The following HMCN1 variants were observed in gnomAD, a reference collection of about 807,000 sequenced individuals.
HMCN1 encodes the protein hemicentin-1.
HMCN1 carries 321 observed loss-of-function variants against 625.9 expected under a neutral mutation model. The ratio of observed to expected loss-of-function variants is 0.51; its 90% CI spans 0.47 to 0.56. HMCN1 has a LOEUF of 0.56. Ranked by LOEUF, HMCN1 falls within the 20% of genes least tolerant of loss-of-function variation. HMCN1 has a pLI of 0.00. For missense variants in HMCN1, 6,588 were observed against 6,887.3 expected (o/e 0.96, Z 1.54); for synonymous variants, 2,425 against 2,417.6 (o/e 1.00, Z -0.09).
rs185290212 is a variant in HMCN1 at position 186,040,966 on chromosome 1, C to G, written c.6181-47C>G. 3 of 1,602,074 alleles carry G rather than the reference C, an allele frequency of 1.9e-6. No individual in the cohort carries two copies. The African/African-American group carries it at 4.0e-5, about 21-fold the overall frequency. On this transcript the variant is annotated intron_variant, in intron 39 of 106. Transcript: ENST00000271588. ...TAAGAGAAAAAATCTATTACACCTA[C>G]CATTCTCAGAGACATATTGGTTATT... is the stretch of plus-strand genomic sequence containing the variant.
intron 100 of HMCN1, among the ~76,000 whole-genome samples, chr1:186,171,101 T>C (rs1290287543): frequency 2.0e-5 from 3 of 152,218 alleles, no homozygotes; most frequent in African/African-American, 7.2e-5. Flanking sequence ...GAGTGTTTCA[T>C]TGACATAGTT....
At chr1:186,186,433 A>G (rs1653308468) in intron 105 of HMCN1, among the ~76,000 whole-genome samples, 1 of 152,168 alleles carries the variant, frequency 6.6e-6, no homozygotes, top group African/African-American at 2.4e-5. Context: ...TAGCTGAGGC[A>G]GGAGAATCAC....
intron 15 of HMCN1, among the ~76,000 whole-genome samples, chr1:185,975,366 AAGGCAAAAGGGAAGC>A (rs1239197294): frequency 6.6e-6 from 1 of 152,190 alleles, no homozygotes; most frequent in Non-Finnish European, 1.5e-5. Flanking sequence ...ATCATGGCAG[AAGGCAAAAGGGAAGC>A]AGGCACATCT....
At chr1:186,037,046 C>A (rs190297651) in intron 36 of HMCN1, among the ~76,000 whole-genome samples, 27 of 151,788 alleles carry the variant, frequency 1.8e-4, no homozygotes, top group African/African-American at 6.5e-4. Flanking sequence ...TCCTTCTTTC[C>A]CCCTTTCCTG....
intron 35 of HMCN1, among the ~76,000 whole-genome samples, chr1:186,020,294 AAAGG>A (rs1478170918): frequency 6.6e-6 from 1 of 150,702 alleles, no homozygotes; most frequent in Non-Finnish European, 1.5e-5. Flanking sequence ...TGGATAATCT[AAAGG>A]ATACATTTGA....
At chr1:186,022,556 G>T (rs376657408) in intron 35 of HMCN1, among the ~76,000 whole-genome samples, 36 of 152,252 alleles carry the variant, frequency 2.4e-4, no homozygotes, top group African/African-American at 7.7e-4. Context: ...GTAGGTTTAA[G>T]AGGGAAATTG....
At chr1:186,152,621 C>A (rs1650745277) in intron 95 of HMCN1, 129 bp from the exon 96 acceptor site, 2 of 1,081,278 alleles carry the variant, frequency 1.8e-6, no homozygotes, top group South Asian at 1.3e-5. Context: ...TATTTCAGTT[C>A]TCATCATCTA....
In HMCN1 at chr1:185,823,471, A is replaced by AT. The variant is rs994652852; in HGVS notation, c.269-22547dup. On this transcript the variant is annotated intron_variant, in intron 1 of 106. Coordinates refer to ENST00000271588, the MANE Select transcript of HMCN1 (RefSeq NM_031935.3). ...ATTTCATGGTAATAAATACTGACAG[A>AT]TTTTTTTTGTTATTTTTGATTTGGA... 5.3e-5 allele frequency among the ~76,000 whole-genome samples: 8 copies of AT among 151,972 alleles called. No homozygotes were observed. In the East Asian group the frequency reaches 5.8e-4, roughly 11 times the overall value.
chr1:186,119,234 A>G lies in HMCN1; in HGVS notation c.11892A>G (p.Arg3964=), dbSNP rs756250170. The change falls in exon 78 of 107, where the codon AGA becomes AGG. Residue 3964 remains arginine, a synonymous_variant. Transcript: ENST00000271588. The part of the protein sequence containing the change: ...ILATQLNHAG[R]YTCVARNAAG... The stretch of plus-strand genomic sequence containing the variant: ...CCACCCAATTAAACCATGCTGGAAG[A>G]TACACTTGTGTCGCTAGGAATGCGG... 1 of 1,614,006 alleles carries G rather than the reference A, an allele frequency of 6.2e-7. No homozygotes were observed. Among genetic ancestry groups the G allele is most frequent in the Non-Finnish European group, 8.5e-7 (1 of 1,179,894 alleles).
At chr1:185,791,518 G>A (rs1253327278) in intron 1 of HMCN1, among the ~76,000 whole-genome samples, 1 of 151,884 alleles carries the variant, frequency 6.6e-6, no homozygotes, top group Admixed American at 6.6e-5. Context: ...CCAGGAGTTC[G>A]AGACCAGCCA....
intron 2 of HMCN1, among the ~76,000 whole-genome samples, chr1:185,857,226 T>C (rs1662522147): frequency 6.6e-6 from 1 of 152,240 alleles, no homozygotes. Context: ...TTTTTCTTAG[T>C]ACACGTTTTT....
intron 1 of HMCN1, among the ~76,000 whole-genome samples, chr1:185,756,913 G>A (rs1655169795): frequency 6.6e-6 from 1 of 151,716 alleles, no homozygotes; most frequent in African/African-American, 2.4e-5. Flanking sequence ...GATAACCATG[G>A]CAGTCTTTTA....
chr1:186,082,454 A>C (rs1401835151), intron 56 of HMCN1, among the ~76,000 whole-genome samples: 11 of 152,170 alleles, frequency 7.2e-5, no homozygotes, highest in Admixed American at 2.6e-4. Flanking sequence ...GAGTTCCAAA[A>C]GAGTGAGCAC....
intron 4 of HMCN1, among the ~76,000 whole-genome samples, chr1:185,907,028 A>G (rs192000252): frequency 1.4e-5 from 2 of 147,676 alleles, no homozygotes; most frequent in Non-Finnish European, 3.0e-5. Flanking sequence ...CAACACTCTG[A>G]TTATTAAAGT....
chr1:185,740,709 T>A (rs1026321606), intron 1 of HMCN1, among the ~76,000 whole-genome samples: 1 of 66,088 alleles, frequency 1.5e-5, no homozygotes, highest in East Asian at 4.2e-4. Context: ...GGGGATGGGG[T>A]GGCGGGGAGC....
chr1:186,000,219 A>T lies in HMCN1; in HGVS notation c.4049A>T (p.Lys1350Ile). ...AVNEAGTTER[K>I]YNLKVHVPPV... ...AATGAAGCTGGAACCACAGAAAGAA[A>T]ATATAACCTCAAAGTCCATGGTAAA... The change falls in exon 26 of 107, where the codon AAA becomes ATA. Residue 1350 changes from lysine (K) to isoleucine (I), a missense_variant. Lys to Ile is a moderately radical substitution (Grantham distance 102). Around this residue, in one of 3 missense-constraint regions of HMCN1, gnomAD observed 4,628 missense variants for 4,853.1 expected, o/e 0.95. Transcript: ENST00000271588. 3 of 1,612,848 alleles carry T rather than the reference A, an allele frequency of 1.9e-6. No homozygotes were observed. Among genetic ancestry groups the T allele is most frequent in the Non-Finnish European group, 2.5e-6 (3 of 1,179,220 alleles).
chr1:185,761,337 G>A (rs572970416), intron 1 of HMCN1, among the ~76,000 whole-genome samples: 1 of 151,684 alleles, frequency 6.6e-6, no homozygotes, highest in East Asian at 1.9e-4. Context: ...ATGTGCTAAA[G>A]ATGTTTAGAC....
chr1:185,981,768 C>A (rs993772649), intron 17 of HMCN1, among the ~76,000 whole-genome samples: 1 of 152,064 alleles, frequency 6.6e-6, no homozygotes, highest in African/African-American at 2.4e-5. Context: ...TAGAGAAGGG[C>A]ATATTTACAA....
chr1:186,018,168 T>C lies in HMCN1; in HGVS notation c.5301-15T>C. On this transcript the variant is annotated splice_polypyrimidine_tract_variant and intron_variant, in intron 33 of 106. Transcript: ENST00000271588. Reference sequence around the variant, plus strand: ...TAAAATATTTATCCAGACTTCCTTTTGCCTTTTTCTATAGGTGGCTGAAGG... The same window carrying C: ...TAAAATATTTATCCAGACTTCCTTTCGCCTTTTTCTATAGGTGGCTGAAGG... 6.2e-7 allele frequency: 1 copy of C among 1,604,762 alleles called. No homozygotes were observed. The highest frequency in any genetic ancestry group is 8.5e-7 in the Non-Finnish European group (1 of 1,171,836).
Sources: allele counts gnomAD v4.1 joint callset (sites outside exome capture counted in the v4.1 genomes callset), GRCh38; gene constraint gnomAD v4.1.1; regional missense constraint gnomAD v4.1.1; transcripts MANE v1.5; gene names NCBI Gene and HGNC (gene_info 2026-07-23, HGNC 2026-07-21).